Variants in MAPK14 observed in about 807,000 individuals in gnomAD.
MAPK14 encodes the protein CSAID-binding protein.
Under a neutral mutation model 49.6 loss-of-function variants are expected in MAPK14, and 16 were observed. That is an observed-to-expected ratio of 0.32 (90% confidence interval 0.22 to 0.49). The LOEUF is 0.49. Ranked by LOEUF, MAPK14 falls within the 20% of genes least tolerant of loss-of-function variation. The pLI, the probability that MAPK14 is intolerant of heterozygous loss-of-function variation, is 0.99. For synonymous variants in MAPK14, 142 were observed against 158.0 expected (o/e 0.90, Z 0.76); for missense variants, 200 against 441.2 (o/e 0.45, Z 4.90).
intron 2 of MAPK14, among the ~76,000 whole-genome samples, chr6:36,054,030 C>T (rs1015900497): frequency 3.1e-5 from 4 of 130,250 alleles, no homozygotes; most frequent in African/African-American, 1.2e-4. Flanking sequence ...TGTGAAGCTG[C>T]AGCCTTCCTA....
intron 10 of MAPK14, among the ~76,000 whole-genome samples, chr6:36,104,495 C>A (rs1406433851): frequency 6.6e-6 from 1 of 151,992 alleles, no homozygotes; most frequent in Non-Finnish European, 1.5e-5. Flanking sequence ...TTAAGTGATT[C>A]TTCTGCCTCA....
chr6:36,100,319 A>C, intron 9 of MAPK14: 1 of 1,319,630 alleles, frequency 7.6e-7, no homozygotes, highest in Non-Finnish European at 1.1e-6. Flanking sequence ...CCACATTCTC[A>C]TTTTATTGCC....
At position 36,107,287 on chromosome 6, in the gene MAPK14, C is replaced by G. The variant is rs1377945946; in HGVS notation, c.842-168C>G. Among the ~76,000 whole-genome samples the G allele has an allele frequency of 1.3e-5, 2 of 151,990 alleles. No individual in the cohort carries two copies. Among genetic ancestry groups the G allele is most frequent in the African/African-American group, 2.4e-5 (1 of 41,380 alleles). ...ATACAGATACACACACACACACACA[C>G]ACACATACACACATAAAGGAGAAGA... On this transcript the variant is annotated intron_variant, in intron 10 of 11. Coordinates refer to ENST00000229794, the MANE Select transcript of MAPK14 (RefSeq NM_139012.3). The surrounding 1 kb of genome is among the most constrained non-coding windows in gnomAD (Gnocchi z 4.3).
At chr6:36,075,267 C>T (rs961543128) in intron 6 of MAPK14, among the ~76,000 whole-genome samples, 18 of 150,788 alleles carry the variant, frequency 1.2e-4, no homozygotes, top group African/African-American at 4.4e-4. Flanking sequence ...GTGTCCCTTC[C>T]TAGTCAATCC....
At chr6:36,072,823 A>C in intron 3 of MAPK14, 50 bp from the exon 4 acceptor site, 1 of 1,016,990 alleles carries the variant, frequency 9.8e-7, no homozygotes, top group South Asian at 1.5e-5. Flanking sequence ...TGAAGATAAG[A>C]ACTTTCTTAG....
At chr6:36,113,479 C>T (rs752127788), downstream of MAPK14, among the ~76,000 whole-genome samples, 3 of 151,524 alleles carry the variant, frequency 2.0e-5, no homozygotes, top group African/African-American at 7.3e-5. Context: ...ATAAGATGGT[C>T]ATCTGTGCAG....
At position 36,064,064 on chromosome 6, in the gene MAPK14, TTGTG is replaced by T. The variant is rs112138637; in HGVS notation, c.305+4743_305+4746del. 1.0e-2 allele frequency among the ~76,000 whole-genome samples: 1,493 copies of T among 149,492 alleles called. 19 individuals are homozygous for T. The highest frequency in any genetic ancestry group is 0.032 in the African/African-American group (1,304 of 40,562). ...GTATTACTATAATATTGCCTTTTCTTTGTGTGTGTGTGTGTGTGTGTGTGTGTGT... is the reference window on the plus strand; with the variant it reads ...GTATTACTATAATATTGCCTTTTCTTTGTGTGTGTGTGTGTGTGTGTGTGT... On this transcript the variant is annotated intron_variant, in intron 3 of 11. Coordinates refer to ENST00000229794, the MANE Select transcript of MAPK14 (RefSeq NM_139012.3).
chr6:36,063,213 T>C (rs755175190), intron 3 of MAPK14, among the ~76,000 whole-genome samples: 7 of 152,182 alleles, frequency 4.6e-5, no homozygotes. Flanking sequence ...GTTACTGTAC[T>C]GGATGCTGTA....
chr6:36,052,933 G>T (rs983026068), intron 2 of MAPK14, 105 bp downstream of exon 2: 3 of 965,628 alleles, frequency 3.1e-6, no homozygotes, highest in Non-Finnish European at 4.4e-6. Context: ...TCAAACGTTG[G>T]TCCCTGCTCC....
chr6:36,041,667 G>C (rs770972972), intron 1 of MAPK14, among the ~76,000 whole-genome samples: 12 of 152,196 alleles, frequency 7.9e-5, no homozygotes, highest in Non-Finnish European at 1.6e-4. Flanking sequence ...ATGACTGACA[G>C]TAGTTATAAA....
At chr6:36,046,761 G>A (rs546213448) in intron 1 of MAPK14, among the ~76,000 whole-genome samples, 1 of 152,192 alleles carries the variant, frequency 6.6e-6, no homozygotes, top group African/African-American at 2.4e-5. Flanking sequence ...GTCAAATAGA[G>A]ATAAAAATAT....
chr6:36,083,090 C>G (rs1300802893), intron 8 of MAPK14, among the ~76,000 whole-genome samples: 1 of 152,192 alleles, frequency 6.6e-6, no homozygotes, highest in African/African-American at 2.4e-5. Flanking sequence ...CAATCAGAGG[C>G]TTCCAACAAG....
intron 1 of MAPK14, among the ~76,000 whole-genome samples, chr6:36,050,805 TG>T (rs1350608145): frequency 6.6e-6 from 1 of 152,206 alleles, no homozygotes; most frequent in African/African-American, 2.4e-5. Flanking sequence ...TGCTTTCTAA[TG>T]GCAGGGCTAT....
intron 8 of MAPK14, among the ~76,000 whole-genome samples, chr6:36,088,457 T>G (rs1243643474): frequency 6.6e-6 from 1 of 152,140 alleles, no homozygotes; most frequent in Non-Finnish European, 1.5e-5. Flanking sequence ...GCACAGTGAC[T>G]CATGCCTGTA....
chr6:36,075,808 T>C (rs771419004), intron 6 of MAPK14, 40 bp from the exon 7 acceptor site: 1 of 1,612,820 alleles, frequency 6.2e-7, no homozygotes, highest in East Asian at 2.2e-5. Flanking sequence ...TGCCTGTTTC[T>C]AAGTCTTAGC....
intron 8 of MAPK14, among the ~76,000 whole-genome samples, chr6:36,084,547 A>G (rs1764901626): frequency 1.3e-5 from 2 of 152,202 alleles, no homozygotes; most frequent in African/African-American, 4.8e-5. Flanking sequence ...TCATAATGCA[A>G]CCACAAGTAT....
At chr6:36,056,710 C>T (rs1034238460) in intron 2 of MAPK14, among the ~76,000 whole-genome samples, 1 of 152,158 alleles carries the variant, frequency 6.6e-6, no homozygotes, top group African/African-American at 2.4e-5. Flanking sequence ...AGGATTTTCA[C>T]AATCACAATG....
At chr6:36,062,000 C>T (rs1282027445) in intron 3 of MAPK14, among the ~76,000 whole-genome samples, 3 of 152,004 alleles carry the variant, frequency 2.0e-5, no homozygotes, top group Non-Finnish European at 4.4e-5. Context: ...TTTGAGACAG[C>T]GTCTTGCCCT....
chr6:36,069,955 C>T (rs1764205089), intron 3 of MAPK14, among the ~76,000 whole-genome samples: 1 of 152,074 alleles, frequency 6.6e-6, no homozygotes, highest in South Asian at 2.1e-4. Flanking sequence ...CAAAGAATAA[C>T]CCTCTTATTA....
Sources: allele counts gnomAD v4.1 joint callset (sites outside exome capture counted in the v4.1 genomes callset), GRCh38; gene constraint gnomAD v4.1.1; non-coding constraint Gnocchi (gnomAD v3.1); transcripts MANE v1.5; gene names NCBI Gene and HGNC (gene_info 2026-07-23, HGNC 2026-07-21).